Variants in WNT2B observed in about 807,000 individuals in gnomAD.
WNT2B encodes Wnt family member 2B, also known as protein Wnt-2b.
WNT2B carries 19 observed loss-of-function variants against 40.5 expected under a neutral mutation model. The observed-to-expected ratio is 0.47, with a 90% confidence interval of 0.33 to 0.69. The LOEUF is 0.69. Among genes scored for constraint, WNT2B ranks in the 30% least tolerant of loss-of-function variants. WNT2B has a pLI of 0.02. For missense variants in WNT2B, 467 were observed against 556.4 expected, an observed-to-expected ratio of 0.84 and a Z score of 1.62; for synonymous variants, 220 against 211.9, an observed-to-expected ratio of 1.04 and a Z score of -0.33.
chr1:112,471,828 TAAA>T (rs1023054813), intron 1 of WNT2B, among the ~76,000 whole-genome samples: 1 of 152,224 alleles, frequency 6.6e-6, no homozygotes, highest in Non-Finnish European at 1.5e-5. Flanking sequence ...CTCAGCTGTG[TAAA>T]ATTATAAGTG....
intron 1 of WNT2B, among the ~76,000 whole-genome samples, chr1:112,487,723 A>G (rs1651461531): frequency 6.6e-6 from 1 of 152,116 alleles, no homozygotes; most frequent in South Asian, 2.1e-4. Context: ...GCTTGAGGTC[A>G]GGAGTTCAAG....
intron 1 of WNT2B, among the ~76,000 whole-genome samples, chr1:112,503,627 G>A (rs1652024375): frequency 6.6e-6 from 1 of 151,992 alleles, no homozygotes; most frequent in South Asian, 2.1e-4. Context: ...CAAGACAAAC[G>A]GTCATACAGA....
chr1:112,472,845 C>T (rs1361072653), intron 1 of WNT2B, among the ~76,000 whole-genome samples: 1 of 151,636 alleles, frequency 6.6e-6, no homozygotes, highest in Non-Finnish European at 1.5e-5. Flanking sequence ...TGCCAGGAGT[C>T]CCAGCTACTC....
In WNT2B at chr1:112,522,887, G is replaced by C. The variant is rs1652958231; in HGVS notation, c.*2378G>C. ...GATGAGCCAATGGTGGGATTAAGGAGGGGGAAATGGGAGGGGAAGAGAACA... is the reference window on the plus strand; with the variant it reads ...GATGAGCCAATGGTGGGATTAAGGACGGGGAAATGGGAGGGGAAGAGAACA... On this transcript the variant is annotated 3_prime_UTR_variant, in exon 5 of 5. Transcript: ENST00000369684. 6.6e-6 allele frequency: 1 copy of C among 152,292 alleles called. No individual in the cohort carries two copies. The highest frequency in any genetic ancestry group is 1.9e-4 in the East Asian group (1 of 5,202). 9.4% of individuals were successfully genotyped at this position (152,292 alleles called of 1,614,324 possible).
intron 4 of WNT2B, chr1:112,518,026 A>G (rs1346503501): frequency 6.6e-6 from 1 of 152,244 alleles, no homozygotes; most frequent in Non-Finnish European, 1.5e-5. Flanking sequence ...AGCTAGAAAG[A>G]TGTCCTTGAA....
In WNT2B at chr1:112,529,521, G is replaced by T. The variant is rs1437398415; in HGVS notation, c.*9012G>T. 1 of 151,996 alleles carries T rather than the reference G, an allele frequency of 6.6e-6. No individual in the cohort carries two copies. Among genetic ancestry groups the T allele is most frequent in the Admixed American group, 6.6e-5 (1 of 15,266 alleles). 9.4% of individuals were successfully genotyped at this position (151,996 alleles called of 1,614,324 possible). A position where few individuals can be genotyped will look rare whatever the true frequency, so the allele number is the denominator to read the frequency against. On this transcript the variant is annotated 3_prime_UTR_variant, in exon 5 of 5. Transcript: ENST00000369684. Reference sequence around the variant, plus strand: ...TGCTGGTTGTTTTATTTACATTTCTGAATGGAAAGGATTTCAATACTCATA... The same window carrying T: ...TGCTGGTTGTTTTATTTACATTTCTTAATGGAAAGGATTTCAATACTCATA...
chr1:112,507,735 T>G (rs114553387), upstream of WNT2B, among the ~76,000 whole-genome samples: 2,243 of 152,274 alleles, frequency 0.015, 65 homozygotes, highest in African/African-American at 0.051. Flanking sequence ...ACTAGTAAGT[T>G]GTTTACCCCA....
intron 1 of WNT2B, among the ~76,000 whole-genome samples, chr1:112,474,497 A>T (rs1202585937): frequency 6.6e-6 from 1 of 152,244 alleles, no homozygotes; most frequent in African/African-American, 2.4e-5. Flanking sequence ...TTACATACAG[A>T]TGAACAAACA....
At chr1:112,507,326 GTT>G (rs1557917954), upstream of WNT2B, among the ~76,000 whole-genome samples, 4 of 152,212 alleles carry the variant, frequency 2.6e-5, no homozygotes. Context: ...GGCATAGACT[GTT>G]CACCAATGGG....
intron 1 of WNT2B, among the ~76,000 whole-genome samples, chr1:112,484,408 C>T (rs1651350687): frequency 6.7e-6 from 1 of 150,374 alleles, no homozygotes; most frequent in African/African-American, 2.4e-5. Flanking sequence ...TCAAATGATC[C>T]TCCTGCCTCA....
chr1:112,502,351 T>C (rs1651987017), intron 1 of WNT2B, among the ~76,000 whole-genome samples: 1 of 152,196 alleles, frequency 6.6e-6, no homozygotes, highest in African/African-American at 2.4e-5. Flanking sequence ...CTCCCCTCTC[T>C]GGCCCGGAGG....
At chr1:112,482,452 C>T in intron 1 of WNT2B, among the ~76,000 whole-genome samples, 1 of 152,218 alleles carries the variant, frequency 6.6e-6, no homozygotes, top group East Asian at 1.9e-4. Context: ...CGTCCTGCCT[C>T]AGCCTACTGA....
intron 1 of WNT2B, among the ~76,000 whole-genome samples, chr1:112,483,728 T>C (rs1449932964): frequency 6.0e-5 from 9 of 148,906 alleles, no homozygotes; most frequent in Admixed American, 2.7e-4. Flanking sequence ...ACTATGTATC[T>C]GATAAGAGGT....
chr1:112,494,060 A>G (rs1651692244), intron 1 of WNT2B, among the ~76,000 whole-genome samples: 1 of 152,082 alleles, frequency 6.6e-6, no homozygotes, highest in Non-Finnish European at 1.5e-5. Flanking sequence ...CTGTAATCCC[A>G]GCACTTTGGG....
chr1:112,477,008 C>T (rs1209843787), intron 1 of WNT2B, among the ~76,000 whole-genome samples: 1 of 152,214 alleles, frequency 6.6e-6, no homozygotes, highest in Non-Finnish European at 1.5e-5. Context: ...CCACTACCAA[C>T]ATGAGCACAC....
rs958637337 is a variant in WNT2B, at chr1:112,525,182, C to T, written c.*4673C>T. 2 of 152,180 alleles carry T rather than the reference C, an allele frequency of 1.3e-5. No individual in the cohort carries two copies. The highest frequency in any genetic ancestry group is 4.8e-5 in the African/African-American group (2 of 41,416). 9.4% of individuals were successfully genotyped at this position (152,180 alleles called of 1,614,324 possible). On this transcript the variant is annotated 3_prime_UTR_variant, in exon 5 of 5. Coordinates refer to ENST00000369684, the MANE Select transcript of WNT2B (RefSeq NM_024494.3). Reference sequence around the variant, plus strand: ...GACTGCATGGGGTATAACTGCCAAGCCTACTGCTCATGACCTGTGGTTGTT... The same window carrying T: ...GACTGCATGGGGTATAACTGCCAAGTCTACTGCTCATGACCTGTGGTTGTT...
chr1:112,497,218 C>T (rs1281768711), intron 1 of WNT2B, among the ~76,000 whole-genome samples: 1 of 152,178 alleles, frequency 6.6e-6, no homozygotes, highest in Non-Finnish European at 1.5e-5. Flanking sequence ...GGTGGTCCTG[C>T]CCCCACAACT....
chr1:112,504,185 G>T (rs1164898033), upstream of WNT2B, among the ~76,000 whole-genome samples: 2 of 152,192 alleles, frequency 1.3e-5, no homozygotes, highest in Non-Finnish European at 2.9e-5. Flanking sequence ...ATGGCCGTCA[G>T]CCCGCCCACT....
intron 1 of WNT2B, among the ~76,000 whole-genome samples, chr1:112,485,368 C>T (rs1009559580): frequency 1.3e-5 from 2 of 150,518 alleles, no homozygotes; most frequent in Non-Finnish European, 2.9e-5. Flanking sequence ...GGCTGAGGCA[C>T]GAGGATTGCT....
Sources: allele counts gnomAD v4.1 joint callset (sites outside exome capture counted in the v4.1 genomes callset), GRCh38; gene constraint gnomAD v4.1.1; transcripts MANE v1.5; gene names NCBI Gene and HGNC (gene_info 2026-07-23, HGNC 2026-07-21).